Variants in EYS observed in about 807,000 individuals in gnomAD.
EYS encodes the protein protein eyes shut homolog.
EYS carries 250 observed loss-of-function variants against 282.1 expected under a neutral mutation model. The observed-to-expected ratio is 0.89, with a 90% confidence interval of 0.80 to 0.98. The LOEUF is 0.98. Among genes scored for constraint, EYS ranks in the 50% least tolerant of loss-of-function variants. The probability of loss-of-function intolerance (pLI) is 0.00; values close to 1 mark genes in which losing one functional copy is unlikely to be tolerated. For synonymous variants in EYS, 1,355 were observed against 1,282.9 expected, an observed-to-expected ratio of 1.06 and a Z score of -1.20; for missense variants, 4,016 against 3,709.0, an observed-to-expected ratio of 1.08 and a Z score of -2.15.
At chr6:65,552,713 A>T (rs9360135) in intron 2 of EYS, among the ~76,000 whole-genome samples, 1 of 151,820 alleles carries the variant, frequency 6.6e-6, no homozygotes, top group Non-Finnish European at 1.5e-5. Flanking sequence ...TAATGGGGAC[A>T]TAGCATCTTT....
chr6:64,076,671 G>A (rs1229083146), intron 32 of EYS, among the ~76,000 whole-genome samples: 1 of 151,862 alleles, frequency 6.6e-6, no homozygotes, highest in Non-Finnish European at 1.5e-5. Flanking sequence ...CTTCTGCCAT[G>A]ATTGTGAGAC....
At chr6:64,502,533 T>G (rs895951557) in intron 26 of EYS, among the ~76,000 whole-genome samples, 1 of 152,164 alleles carries the variant, frequency 6.6e-6, no homozygotes, top group Admixed American at 6.5e-5. Flanking sequence ...GAGGCTGGTG[T>G]TTTTTTAAGG....
rs1774720554 is a variant in EYS, at chr6:64,151,351, A to ATG, written c.6425-69350_6425-69349insCA. ...TATATATATATATATATATATATAT[A>ATG]TATATATATATAATTTTTTTTTTCT... On this transcript the variant is annotated intron_variant, in intron 31 of 42. Coordinates refer to ENST00000503581, the MANE Select transcript of EYS (RefSeq NM_001142800.2). Among the ~76,000 whole-genome samples, 2 of 104,262 alleles carry ATG rather than the reference A, an allele frequency of 1.9e-5. 1 individual carries two copies. The highest frequency in any genetic ancestry group is 9.0e-5 in the African/African-American group (2 of 22,256). The allele number at this position is 104,262 out of a possible 152,430, so 68.4% of individuals were successfully genotyped here. A position where few individuals can be genotyped will look rare whatever the true frequency, so the allele number is the denominator to read the frequency against.
chr6:65,137,272 T>A (rs1474219067), intron 12 of EYS, among the ~76,000 whole-genome samples: 1 of 152,048 alleles, frequency 6.6e-6, no homozygotes, highest in Non-Finnish European at 1.5e-5. Flanking sequence ...TGAAACAGCA[T>A]TATAAAGCAA....
chr6:64,846,591 C>T (rs1183733708), intron 19 of EYS, among the ~76,000 whole-genome samples: 1 of 151,986 alleles, frequency 6.6e-6, no homozygotes, highest in Non-Finnish European at 1.5e-5. Flanking sequence ...TAATATTATT[C>T]TCAAAAGACA....
intron 36 of EYS, among the ~76,000 whole-genome samples, chr6:63,854,038 CAG>C (rs1279697192): frequency 6.6e-6 from 1 of 152,142 alleles, no homozygotes; most frequent in Non-Finnish European, 1.5e-5. Context: ...TTGTGGAAGA[CAG>C]TGTGGTGATT....
chr6:65,619,024 T>G (rs528760618), intron 2 of EYS, among the ~76,000 whole-genome samples: 1 of 152,184 alleles, frequency 6.6e-6, no homozygotes, highest in Non-Finnish European at 1.5e-5. Context: ...TCAGATTGAC[T>G]TGGCGATGCG....
intron 31 of EYS, among the ~76,000 whole-genome samples, chr6:64,185,535 T>C (rs113998479): frequency 0.016 from 2,402 of 152,298 alleles, 22 homozygotes; most frequent in East Asian, 0.035. Context: ...CTGAGTTTTA[T>C]GTAGACACGG....
chr6:63,828,794 C>A (rs56332409), intron 36 of EYS, among the ~76,000 whole-genome samples: 20,285 of 152,032 alleles, frequency 0.13, 1,722 homozygotes, highest in African/African-American at 0.24. Flanking sequence ...CATAATAAAA[C>A]AAATTTTAAA....
At chr6:64,082,326 T>G (rs189385651) in intron 31 of EYS, among the ~76,000 whole-genome samples, 513 of 152,260 alleles carry the variant, frequency 3.4e-3, no homozygotes, top group Middle Eastern at 0.01. Flanking sequence ...TTTCACCAGA[T>G]TCTTTTGCGA....
chr6:64,546,961 C>A (rs1432069884), intron 26 of EYS, among the ~76,000 whole-genome samples: 1 of 152,188 alleles, frequency 6.6e-6, no homozygotes, highest in Admixed American at 6.5e-5. Flanking sequence ...GTCTCACTGA[C>A]TTCAAGAATG....
intron 32 of EYS, among the ~76,000 whole-genome samples, chr6:64,069,839 A>G (rs1322544283): frequency 6.6e-6 from 1 of 152,134 alleles, no homozygotes; most frequent in Non-Finnish European, 1.5e-5. Flanking sequence ...AAAACCATGA[A>G]AATTTTCAAA....
At chr6:64,356,757 T>G (rs1771836860) in intron 29 of EYS, among the ~76,000 whole-genome samples, 3 of 151,750 alleles carry the variant, frequency 2.0e-5, no homozygotes, top group South Asian at 2.1e-4. Context: ...TGCAACATTG[T>G]TATGTAGAGC....
intron 29 of EYS, among the ~76,000 whole-genome samples, chr6:64,354,479 C>T (rs539350374): frequency 1.4e-4 from 21 of 151,604 alleles, no homozygotes; most frequent in Middle Eastern, 3.4e-3. Flanking sequence ...CAGTTTGTTT[C>T]CTCATCCATA....
At chr6:65,017,471 G>C (rs547308996) in intron 13 of EYS, among the ~76,000 whole-genome samples, 4 of 152,006 alleles carry the variant, frequency 2.6e-5, no homozygotes, top group African/African-American at 9.7e-5. Flanking sequence ...TCATTAAATA[G>C]CAAATGAATT....
rs1769672401 is a variant in EYS, at chr6:63,762,589, G to C, written c.7943C>G (p.Thr2648Arg). The change falls in exon 41 of 43, where the codon ACA becomes AGA. Residue 2648 changes from threonine to arginine, a missense_variant. Thr to Arg is a moderately conservative substitution (Grantham distance 71). Coordinates refer to ENST00000503581, the MANE Select transcript of EYS (RefSeq NM_001142800.2). ...ATGTTCAGGATCACAGGTAGAAACT[G>C]TCTCTGTGCAGAATGATCCTTTCCA... The part of the protein sequence containing the change: ...TGWKGSFCTE[T>R]VSTCDPEHDP... 4 of 1,550,340 alleles carry C rather than the reference G, an allele frequency of 2.6e-6. No homozygotes were observed. Among genetic ancestry groups the C allele is most frequent in the Non-Finnish European group, 3.5e-6 (4 of 1,146,058 alleles).
chr6:65,537,006 A>G (rs1280475358), intron 2 of EYS, among the ~76,000 whole-genome samples: 2 of 152,230 alleles, frequency 1.3e-5, no homozygotes, highest in Non-Finnish European at 2.9e-5. Flanking sequence ...ATGTAGCCAC[A>G]TATGAATACA....
At chr6:65,388,785 T>C (rs999989906) in intron 7 of EYS, among the ~76,000 whole-genome samples, 5 of 152,114 alleles carry the variant, frequency 3.3e-5, no homozygotes, top group Non-Finnish European at 7.4e-5. Flanking sequence ...ATATTCTTTT[T>C]TGTGGATAAA....
intron 13 of EYS, among the ~76,000 whole-genome samples, chr6:65,017,627 T>C (rs1772097945): frequency 6.6e-6 from 1 of 152,164 alleles, no homozygotes; most frequent in Non-Finnish European, 1.5e-5. Flanking sequence ...AACAATTTTA[T>C]GGATCACCAA....
Sources: gnomAD v4.1 joint callset for allele counts (sites outside exome capture counted in the v4.1 genomes callset) on GRCh38, gnomAD v4.1.1 for gene constraint, MANE v1.5 for transcripts, NCBI Gene and HGNC (gene_info 2026-07-23, HGNC 2026-07-21) for gene names.